RIF1: variants seen among roughly 807,000 people sequenced by gnomAD.
RIF1 encodes the protein telomere-associated protein RIF1.
RIF1 carries 45 observed loss-of-function variants against 247.1 expected under a neutral mutation model. The ratio of observed to expected loss-of-function variants is 0.18; its 90% CI spans 0.14 to 0.23. RIF1 has a LOEUF of 0.23. RIF1 is among the 10% of genes least tolerant of loss of function. The probability of loss-of-function intolerance (pLI) is 1.00; values close to 1 mark genes in which losing one functional copy is unlikely to be tolerated. For missense variants in RIF1, 2,967 were observed against 2,862.5 expected (o/e 1.04, Z -0.83); for synonymous variants, 1,087 against 978.8 (o/e 1.11, Z -2.06).
intron 34 of RIF1, among the ~76,000 whole-genome samples, chr2:151,472,928 A>G (rs1432299984): frequency 6.6e-6 from 1 of 152,188 alleles, no homozygotes; most frequent in Non-Finnish European, 1.5e-5. Context: ...ATTGATTGGA[A>G]TAGTTTCAGA....
chr2:151,419,987 T>C (rs1687897772), intron 6 of RIF1, among the ~76,000 whole-genome samples: 1 of 152,174 alleles, frequency 6.6e-6, no homozygotes, highest in African/African-American at 2.4e-5. Context: ...AAAGACAAGA[T>C]TGGTTCTTTA....
chr2:151,410,939 C>T (rs1252646363), intron 2 of RIF1, among the ~76,000 whole-genome samples: 5 of 152,014 alleles, frequency 3.3e-5, no homozygotes, highest in Non-Finnish European at 5.9e-5. Context: ...TAGAAATGTA[C>T]TAAAGTTTTG....
chr2:151,419,077 CACATCTTGTCAT>C (rs1687724205), intron 6 of RIF1, among the ~76,000 whole-genome samples: 1 of 151,050 alleles, frequency 6.6e-6, no homozygotes, highest in African/African-American at 2.4e-5. Context: ...CTCCCACCTC[CACATCTTGTCAT>C]ACTGAAATGT....
In RIF1 at chr2:151,466,388, G is replaced by C. The variant is rs116294835; in HGVS notation, c.6600+268G>C. ...GTTCACCTTTGGCAAAATTGATAAG[G>C]CTCCTAGCATCTTTTCTGCTCCCCA... On this transcript the variant is annotated intron_variant, in intron 30 of 35. Coordinates refer to ENST00000444746, the MANE Select transcript of RIF1 (RefSeq NM_018151.5). Among the ~76,000 whole-genome samples, 916 of 152,230 alleles carry C rather than the reference G, an allele frequency of 6.0e-3. 6 individuals are homozygous for C. Among genetic ancestry groups the C allele is most frequent in the Middle Eastern group, 0.017 (5 of 294 alleles).
chr2:151,485,957 G>A, downstream of RIF1: 1 of 1,610,636 alleles, frequency 6.2e-7, no homozygotes, highest in East Asian at 2.2e-5. Context: ...TGGAAAAGGG[G>A]AAATATTATA....
At chr2:151,445,657 C>T (rs1411385198) in intron 19 of RIF1, among the ~76,000 whole-genome samples, 1 of 152,044 alleles carries the variant, frequency 6.6e-6, no homozygotes, top group Admixed American at 6.6e-5. Context: ...AAGCAGTTCT[C>T]CTGTCTCTGC....
intron 3 of RIF1, among the ~76,000 whole-genome samples, chr2:151,413,917 A>G (rs1686725253): frequency 6.6e-6 from 1 of 152,224 alleles, no homozygotes; most frequent in African/African-American, 2.4e-5. Flanking sequence ...GGTACAAGGG[A>G]AATGGGGTAC....
intron 2 of RIF1, among the ~76,000 whole-genome samples, chr2:151,410,767 C>CA (rs1320362383): frequency 6.6e-6 from 1 of 152,058 alleles, no homozygotes; most frequent in African/African-American, 2.4e-5. Context: ...GTGTGTTTTG[C>CA]AAGCGAGGGA....
intron 11 of RIF1, among the ~76,000 whole-genome samples, chr2:151,436,546 A>G (rs998503355): frequency 3.3e-5 from 5 of 151,988 alleles, no homozygotes; most frequent in African/African-American, 1.2e-4. Flanking sequence ...GTCTCAAAAA[A>G]AAAAAAAAAA....
intron 3 of RIF1, among the ~76,000 whole-genome samples, chr2:151,413,822 C>G (rs1328540255): frequency 1.3e-5 from 2 of 152,026 alleles, no homozygotes; most frequent in Non-Finnish European, 2.9e-5. Context: ...TCTTCCTGCT[C>G]AAGAATAACA....
At chr2:151,505,798 G>T (rs546050688) in intron 12 of RIF1, 2 of 563,876 alleles carry the variant, frequency 3.5e-6, no homozygotes, top group Admixed American at 6.1e-5. Flanking sequence ...GGGCAGGGAT[G>T]GGGGCCCCTA....
rs1442193796 is a variant in RIF1 at position 151,445,409 on chromosome 2, A to G, written c.2058A>G (p.Pro686=). 3.1e-6 allele frequency: 5 copies of G among 1,603,922 alleles called. No homozygotes were observed. Among genetic ancestry groups the G allele is most frequent in the Non-Finnish European group, 2.6e-6 (3 of 1,170,684 alleles). Residue 686 remains proline, a synonymous_variant, in exon 19 of 36, where the codon CCA becomes CCG. Coordinates refer to ENST00000444746, the MANE Select transcript of RIF1 (RefSeq NM_018151.5). ...FSAIYGALTL[P]VNHIFSEQRF... is the part of the protein sequence containing the mutation. ...CCATCTATGGTGCATTGACTTTACC[A>G]GTAAACCACATTTTTTCAGAACAGA...
At chr2:151,410,705 G>GTAC (rs1366265936) in intron 2 of RIF1, among the ~76,000 whole-genome samples, 178 bp downstream of exon 2, 2 of 152,172 alleles carry the variant, frequency 1.3e-5, no homozygotes, top group African/African-American at 2.4e-5. Context: ...ACGTTCCCGG[G>GTAC]TACTGCTGCT....
In RIF1 at chr2:151,464,658, T is replaced by C. The variant is rs780680472; in HGVS notation, c.5138T>C (p.Phe1713Ser). 3.1e-6 allele frequency: 5 copies of C among 1,613,302 alleles called. No individual in the cohort carries two copies. In the East Asian group the frequency reaches 1.1e-4, roughly 36 times the overall value. ...SDISSLSEKT[F>S]QTLECQHKRS... ...ATTTCTTCGCTTTCAGAAAAAACTT[T>C]TCAAACACTTGAATGCCAACACAAG... Residue 1713 changes from phenylalanine to serine, a missense_variant, in exon 30 of 36, where the codon TTT (phenylalanine) becomes TCT (serine). Physicochemically the swap from Phe to Ser is radical, Grantham distance 155. Coordinates refer to ENST00000444746, the MANE Select transcript of RIF1 (RefSeq NM_018151.5).
At chr2:151,525,252 C>A in the RIF1 span, 3 of 1,613,358 alleles carry the variant, frequency 1.9e-6, no homozygotes, top group Non-Finnish European at 2.5e-6. Context: ...TTCTCCTTGA[C>A]AAACTTCTTT....
chr2:151,451,860 TTCTC>T (rs909144212), intron 21 of RIF1, among the ~76,000 whole-genome samples, 155 bp downstream of exon 21: 3 of 152,188 alleles, frequency 2.0e-5, no homozygotes, highest in Non-Finnish European at 4.4e-5. Flanking sequence ...TTCATACATG[TTCTC>T]TCTCTTTTTT....
chr2:151,529,944 T>G, the RIF1 span, among the ~76,000 whole-genome samples: 2 of 152,214 alleles, frequency 1.3e-5, no homozygotes, highest in South Asian at 2.1e-4. Context: ...TCTTGATAAC[T>G]GCTGATGGAA....
intron 13 of RIF1, chr2:151,506,813 G>A: frequency 2.4e-6 from 2 of 817,830 alleles, no homozygotes; most frequent in Non-Finnish European, 4.0e-6. Context: ...GAGGTTAGAT[G>A]TTAATTGTGT....
At chr2:151,523,856 T>C in the RIF1 span, among the ~76,000 whole-genome samples, 4 of 151,876 alleles carry the variant, frequency 2.6e-5, no homozygotes, top group African/African-American at 4.8e-5. Context: ...CCCTACTTCC[T>C]AGCCCGGGCA....
Sources: gnomAD v4.1 joint callset for allele counts (sites outside exome capture counted in the v4.1 genomes callset) on GRCh38, gnomAD v4.1.1 for gene constraint, MANE v1.5 for transcripts, NCBI Gene and HGNC (gene_info 2026-07-23, HGNC 2026-07-21) for gene names.